The following ROBO2 variants were observed in gnomAD, a reference collection of about 807,000 sequenced individuals.
ROBO2 encodes the protein roundabout guidance receptor 2.
ROBO2 carries 53 observed loss-of-function variants against 160.8 expected under a neutral mutation model. The observed-to-expected ratio is 0.33, with a 90% CI of 0.26 to 0.41. The LOEUF (loss-of-function observed/expected upper bound fraction) is 0.41, where lower values mean the gene tolerates loss of function less well. Ranked by LOEUF, ROBO2 falls within the 10% of genes least tolerant of loss-of-function variation. The probability of loss-of-function intolerance (pLI) is 1.00; values close to 1 mark genes in which losing one functional copy is unlikely to be tolerated. For missense variants in ROBO2, 1,577 were observed against 1,722.4 expected, an observed-to-expected ratio of 0.92 and a Z score of 1.49; for synonymous variants, 664 against 611.7, an observed-to-expected ratio of 1.09 and a Z score of -1.26.
At chr3:76,228,258 C>A (rs1416466718) in intron 2 of ROBO2, among the ~76,000 whole-genome samples, 1 of 152,000 alleles carries the variant, frequency 6.6e-6, no homozygotes, top group Non-Finnish European at 1.5e-5. Flanking sequence ...TATAAGACAG[C>A]AAATGGATTA....
chr3:76,373,208 C>T (rs920855969), intron 2 of ROBO2, among the ~76,000 whole-genome samples: 1 of 151,894 alleles, frequency 6.6e-6, no homozygotes, highest in Admixed American at 6.6e-5. Context: ...TAGAAACCTG[C>T]ATTATGGTTT....
chr3:76,159,928 G>A (rs1017424724), intron 2 of ROBO2, among the ~76,000 whole-genome samples: 2 of 152,090 alleles, frequency 1.3e-5, no homozygotes, highest in African/African-American at 4.8e-5. Context: ...TGAGGTAGAT[G>A]CCTCATGATT....
chr3:76,907,755 A>T (rs950914026), intron 2 of ROBO2, among the ~76,000 whole-genome samples: 1 of 152,092 alleles, frequency 6.6e-6, no homozygotes, highest in Non-Finnish European at 1.5e-5. Context: ...GGAAATAATC[A>T]TTAATAAAAG....
At chr3:77,509,091 G>T (rs1308778285) in intron 5 of ROBO2, among the ~76,000 whole-genome samples, 2 of 152,034 alleles carry the variant, frequency 1.3e-5, no homozygotes, top group Non-Finnish European at 2.9e-5. Flanking sequence ...CTTCAACAAA[G>T]AACATCAATT....
At chr3:77,068,353 G>A (rs2067076932) in intron 1 of ROBO2, among the ~76,000 whole-genome samples, 1 of 152,068 alleles carries the variant, frequency 6.6e-6, no homozygotes, top group Admixed American at 6.6e-5. Flanking sequence ...TCCTTCTATT[G>A]TGTCATGATT....
intron 2 of ROBO2, among the ~76,000 whole-genome samples, chr3:75,947,175 G>A (rs1241626658): frequency 6.6e-6 from 1 of 152,000 alleles, no homozygotes; most frequent in Non-Finnish European, 1.5e-5. Flanking sequence ...AGTGACAGAG[G>A]TGTGGGCAGA....
At chr3:75,950,273 TCTTTC>T (rs957670453) in intron 2 of ROBO2, among the ~76,000 whole-genome samples, 44 of 152,248 alleles carry the variant, frequency 2.9e-4, no homozygotes, top group African/African-American at 1.0e-3. Flanking sequence ...TGAGTTCCTT[TCTTTC>T]CTTTCCATCC....
intron 2 of ROBO2, among the ~76,000 whole-genome samples, chr3:76,863,180 C>T (rs1185218): frequency 0.28 from 42,246 of 151,916 alleles, 6,461 homozygotes; most frequent in East Asian, 0.45. Flanking sequence ...CGTGAAATTC[C>T]TTGCAATTTC....
intron 2 of ROBO2, among the ~76,000 whole-genome samples, chr3:76,747,935 A>G (rs2093920064): frequency 6.6e-6 from 1 of 152,036 alleles, no homozygotes; most frequent in South Asian, 2.1e-4. Context: ...TAATATTCGA[A>G]TTCTCAGGGG....
At chr3:76,275,389 A>G (rs1279770859) in intron 2 of ROBO2, among the ~76,000 whole-genome samples, 1 of 152,122 alleles carries the variant, frequency 6.6e-6, no homozygotes, top group African/African-American at 2.4e-5. Context: ...TAAAACTTGC[A>G]TAGAAATAGC....
chr3:77,231,944 T>G (rs2087272615), intron 2 of ROBO2, among the ~76,000 whole-genome samples: 1 of 152,216 alleles, frequency 6.6e-6, no homozygotes, highest in Admixed American at 6.5e-5. Context: ...GCTTTCAAAT[T>G]ATTGACTATC....
At chr3:76,588,760 C>T (rs2086226128) in intron 2 of ROBO2, among the ~76,000 whole-genome samples, 2 of 152,108 alleles carry the variant, frequency 1.3e-5, no homozygotes, top group African/African-American at 4.8e-5. Context: ...AATTTGATTA[C>T]CTAGAATTGC....
intron 1 of ROBO2, among the ~76,000 whole-genome samples, chr3:77,054,948 G>GTA (rs1559914012): frequency 6.6e-6 from 1 of 151,842 alleles, no homozygotes; most frequent in Non-Finnish European, 1.5e-5. Context: ...GTGTGTGTGT[G>GTA]TGTGTGTAAA....
chr3:76,594,396 A>G (rs1330295408), intron 2 of ROBO2, among the ~76,000 whole-genome samples: 2 of 152,060 alleles, frequency 1.3e-5, no homozygotes, highest in Non-Finnish European at 2.9e-5. Flanking sequence ...GTTATCAGAA[A>G]GGAAAAATAA....
chr3:76,624,945 A>G (rs1287572726), intron 2 of ROBO2, among the ~76,000 whole-genome samples: 2 of 151,744 alleles, frequency 1.3e-5, no homozygotes, highest in South Asian at 2.1e-4. Flanking sequence ...ATAAATTGTA[A>G]TATTTGGGGG....
At chr3:76,688,602 GGT>G (rs111250460) in intron 2 of ROBO2, among the ~76,000 whole-genome samples, 2,894 of 148,444 alleles carry the variant, frequency 0.019, 57 homozygotes, top group African/African-American at 0.054. Flanking sequence ...AAATTTTAGT[GGT>G]GTGTGTGTGT....
chr3:77,268,319 G>T (rs1035734068), intron 2 of ROBO2, among the ~76,000 whole-genome samples: 1 of 151,832 alleles, frequency 6.6e-6, no homozygotes, highest in African/African-American at 2.4e-5. Context: ...AAATATATTA[G>T]GGCATTTGTA....
chr3:76,479,901 A>T (rs1383179737), intron 2 of ROBO2, among the ~76,000 whole-genome samples: 3 of 152,142 alleles, frequency 2.0e-5, no homozygotes, highest in Non-Finnish European at 2.9e-5. Flanking sequence ...TGCTGTTTTC[A>T]ATTGTTTAGA....
At chr3:77,357,422 G>A (rs139059919) in intron 2 of ROBO2, among the ~76,000 whole-genome samples, 27 of 152,098 alleles carry the variant, frequency 1.8e-4, no homozygotes, top group African/African-American at 4.8e-4. Flanking sequence ...GCCTTCCACC[G>A]TGTTATGATG....
Sources: allele counts gnomAD v4.1 joint callset (sites outside exome capture counted in the v4.1 genomes callset), GRCh38; gene constraint gnomAD v4.1.1; transcripts MANE v1.5; gene names NCBI Gene and HGNC (gene_info 2026-07-23, HGNC 2026-07-21).